The following CFAP61 variants were observed in gnomAD, a reference collection of about 807,000 sequenced individuals.
CFAP61 encodes cilia and flagella associated protein 61.
Under a neutral mutation model 135.6 loss-of-function variants are expected in CFAP61, and 107 were observed. The ratio of observed to expected loss-of-function variants is 0.79; its 90% CI spans 0.67 to 0.93. CFAP61 has a LOEUF of 0.93. Among genes scored for constraint, CFAP61 ranks in the 40% least tolerant of loss-of-function variants. CFAP61 has a pLI of 0.00. For synonymous variants in CFAP61, 575 were observed against 578.5 expected (o/e 0.99, Z 0.09); for missense variants, 1,507 against 1,556.2 (o/e 0.97, Z 0.53).
chr20:20,343,619 C>A (rs2058528493), intron 26 of CFAP61, among the ~76,000 whole-genome samples: 2 of 152,216 alleles, frequency 1.3e-5, no homozygotes, highest in African/African-American at 4.8e-5. Context: ...TCACTGAATG[C>A]TCAGCTCCTC....
At chr20:20,326,958 T>C (rs1055181838) in intron 25 of CFAP61, among the ~76,000 whole-genome samples, 6 of 152,062 alleles carry the variant, frequency 3.9e-5, no homozygotes, top group Non-Finnish European at 8.8e-5. Context: ...CTCTGATAGG[T>C]TTTTTTTCAT....
At position 20,360,433 on chromosome 20, in the gene CFAP61, A is replaced by T. The variant is rs777796825; in HGVS notation, c.*23A>T. On this transcript the variant is annotated 3_prime_UTR_variant, in exon 27 of 27. Coordinates refer to ENST00000245957, the MANE Select transcript of CFAP61 (RefSeq NM_015585.4). ...TAGTTGTAGGCAGGGTCTCCCCTTT[A>T]TGGTTTTCATTTATTTAGTTCCTGG... The T allele has an allele frequency of 3.7e-6, 6 of 1,604,350 alleles. 1 individual carries two copies. In the Admixed American group the frequency reaches 1.0e-4, roughly 27 times the overall value.
At chr20:20,310,606 C>T (rs1466679612) in intron 25 of CFAP61, among the ~76,000 whole-genome samples, 1 of 152,150 alleles carries the variant, frequency 6.6e-6, no homozygotes, top group Admixed American at 6.5e-5. Context: ...CTTCAATGGG[C>T]TGGAGGAGCA....
intron 17 of CFAP61, among the ~76,000 whole-genome samples, chr20:20,218,223 T>C (rs2048166586): frequency 6.6e-6 from 1 of 152,152 alleles, no homozygotes; most frequent in Non-Finnish European, 1.5e-5. Flanking sequence ...GGAGAGGTAA[T>C]TGAATCATGG....
At chr20:20,120,284 T>C (rs6136944) in intron 8 of CFAP61, among the ~76,000 whole-genome samples, 17,602 of 152,286 alleles carry the variant, frequency 0.12, 1,086 homozygotes, top group East Asian at 0.15. Flanking sequence ...CTATGAACTT[T>C]CCTGTTAGTA....
At chr20:20,340,361 C>T (rs1427835694) in intron 25 of CFAP61, among the ~76,000 whole-genome samples, 1 of 151,956 alleles carries the variant, frequency 6.6e-6, no homozygotes, top group Non-Finnish European at 1.5e-5. Flanking sequence ...CAGAGGGAGG[C>T]AAGGAGAGAG....
chr20:20,283,820 A>G (rs2054374545), intron 22 of CFAP61, among the ~76,000 whole-genome samples: 1 of 152,270 alleles, frequency 6.6e-6, no homozygotes, highest in African/African-American at 2.4e-5. Flanking sequence ...AAATCCAGCA[A>G]CAGAGAATCT....
chr20:20,146,543 TA>T (rs1273529352), intron 9 of CFAP61, among the ~76,000 whole-genome samples: 1 of 152,260 alleles, frequency 6.6e-6, no homozygotes, highest in East Asian at 1.9e-4. Context: ...GCTCTAGTTA[TA>T]ATATTTAGAA....
At chr20:20,244,174 T>G (rs912062743) in intron 18 of CFAP61, among the ~76,000 whole-genome samples, 1 of 152,104 alleles carries the variant, frequency 6.6e-6, no homozygotes, top group Non-Finnish European at 1.5e-5. Context: ...TGCTGGTAGA[T>G]CTACCATTCT....
intron 17 of CFAP61, among the ~76,000 whole-genome samples, chr20:20,223,074 T>G (rs576155397): frequency 1.3e-5 from 2 of 152,204 alleles, no homozygotes; most frequent in South Asian, 2.1e-4. Flanking sequence ...TACACATGGG[T>G]GTGAGCTGAA....
At chr20:20,350,916 TA>T (rs1419465297) in intron 26 of CFAP61, among the ~76,000 whole-genome samples, 1 of 151,892 alleles carries the variant, frequency 6.6e-6, no homozygotes, top group Non-Finnish European at 1.5e-5. Flanking sequence ...TGATTGAAAA[TA>T]AAAAACCTCT....
chr20:20,308,925 A>G (rs80249999), intron 25 of CFAP61, among the ~76,000 whole-genome samples: 1,667 of 152,322 alleles, frequency 0.011, 15 homozygotes, highest in Middle Eastern at 0.034. Flanking sequence ...TAAGGCTACT[A>G]AGCTGCTTTA....
chr20:20,286,917 G>A (rs1186265145), intron 22 of CFAP61, among the ~76,000 whole-genome samples: 1 of 152,200 alleles, frequency 6.6e-6, no homozygotes, highest in Non-Finnish European at 1.5e-5. Flanking sequence ...AGAAAATTGG[G>A]TAGGTAGAAG....
At chr20:20,256,017 A>C (rs1371248099) in intron 20 of CFAP61, among the ~76,000 whole-genome samples, 1 of 152,132 alleles carries the variant, frequency 6.6e-6, no homozygotes, top group Non-Finnish European at 1.5e-5. Flanking sequence ...GCCACGCTGG[A>C]GACGCTGTAG....
intron 25 of CFAP61, among the ~76,000 whole-genome samples, chr20:20,323,646 C>T (rs1307562565): frequency 6.6e-6 from 1 of 152,154 alleles, no homozygotes; most frequent in Non-Finnish European, 1.5e-5. Context: ...ATGTAAAAAC[C>T]TAAACTGCAG....
At chr20:20,245,493 T>C (rs2050377780) in intron 18 of CFAP61, among the ~76,000 whole-genome samples, 1 of 152,168 alleles carries the variant, frequency 6.6e-6, no homozygotes, top group Admixed American at 6.5e-5. Context: ...GAGAACAGCA[T>C]AGGAAAGACC....
chr20:20,146,492 A>G (rs571595268), intron 9 of CFAP61, among the ~76,000 whole-genome samples: 2 of 152,316 alleles, frequency 1.3e-5, no homozygotes, highest in South Asian at 4.2e-4. Context: ...GACAAACACA[A>G]TATGCATCTT....
intron 25 of CFAP61, among the ~76,000 whole-genome samples, chr20:20,304,628 G>T (rs1235113692): frequency 6.6e-6 from 1 of 151,626 alleles, no homozygotes; most frequent in Non-Finnish European, 1.5e-5. Flanking sequence ...ACCTCACAGT[G>T]CCCCCGCCTG....
chr20:20,331,636 G>A (rs959763054), intron 25 of CFAP61, among the ~76,000 whole-genome samples: 7 of 152,196 alleles, frequency 4.6e-5, no homozygotes, highest in African/African-American at 1.7e-4. Flanking sequence ...TAATAAGGGA[G>A]TGAAATATCT....
Sources: allele counts gnomAD v4.1 joint callset (sites outside exome capture counted in the v4.1 genomes callset), GRCh38; gene constraint gnomAD v4.1.1; transcripts MANE v1.5; gene names NCBI Gene and HGNC (gene_info 2026-07-23, HGNC 2026-07-21).